BPTF: variants seen among roughly 807,000 people sequenced by gnomAD.
BPTF encodes nucleosome-remodeling factor subunit BPTF.
In BPTF, 18 loss-of-function variants were observed where a neutral mutation model predicts 292.5. The observed-to-expected ratio is 0.06, with a 90% CI of 0.04 to 0.09. The LOEUF is 0.09. BPTF is among the 10% of genes least tolerant of loss of function. The pLI is 1.00. For synonymous variants in BPTF, 1,225 were observed against 1,251.9 expected, an observed-to-expected ratio of 0.98 and a Z score of 0.45; for missense variants, 2,726 against 3,498.7, an observed-to-expected ratio of 0.78 and a Z score of 5.57.
intron 4 of BPTF, among the ~76,000 whole-genome samples, chr17:67,879,547 A>G (rs2060261957): frequency 1.3e-5 from 2 of 152,136 alleles, no homozygotes; most frequent in South Asian, 2.1e-4. Flanking sequence ...GATAATGGCT[A>G]TCTTAGTCCA....
At chr17:67,940,953 C>G (rs1555671705) in intron 19 of BPTF, among the ~76,000 whole-genome samples, 2 of 152,166 alleles carry the variant, frequency 1.3e-5, no homozygotes, top group Non-Finnish European at 2.9e-5. Flanking sequence ...AAGCTGCTTC[C>G]TTGCAAGACT....
At position 67,959,681 on chromosome 17, in the gene BPTF, T is replaced by TCCCCCCCCCCCC; in HGVS notation, c.8069_8070insCCCCCCCCCCCC (p.Pro2688_Pro2691dup). ...CAGCCCCTCCACCTTCACCTCCCCC[T>TCCCCCCCCCCCC]CCACCTGCTGTGCAACACACAGGCC... On this transcript the variant is annotated inframe_insertion, in exon 24 of 28. Coordinates refer to ENST00000306378, the MANE Select transcript of BPTF (RefSeq NM_182641.4). 1 of 1,300,766 alleles carries TCCCCCCCCCCCC rather than the reference T, an allele frequency of 7.7e-7. No individual in the cohort carries two copies. Among genetic ancestry groups the TCCCCCCCCCCCC allele is most frequent in the Non-Finnish European group, 1.0e-6 (1 of 972,850 alleles). The allele number at this position is 1,300,766 out of a possible 1,614,324, so 80.6% of individuals were successfully genotyped here.
chr17:67,868,304 C>T (rs1239200003), intron 3 of BPTF, among the ~76,000 whole-genome samples: 1 of 152,032 alleles, frequency 6.6e-6, no homozygotes, highest in East Asian at 1.9e-4. Flanking sequence ...GTTTTTTTGT[C>T]CTGCCAGATG....
chr17:67,876,447 A>G (rs1384091497), intron 4 of BPTF, among the ~76,000 whole-genome samples: 2 of 152,226 alleles, frequency 1.3e-5, no homozygotes, highest in African/African-American at 4.8e-5. Flanking sequence ...TGTAAGCTCC[A>G]GAAGAACCAC....
chr17:67,952,001 C>T (rs1267155988), intron 23 of BPTF, among the ~76,000 whole-genome samples: 2 of 145,660 alleles, frequency 1.4e-5, no homozygotes, highest in African/African-American at 2.5e-5. Flanking sequence ...GTTGCAGTGA[C>T]CCGAGATCAT....
At position 67,911,119 on chromosome 17, in the gene BPTF, C is replaced by T; in HGVS notation, c.3235C>T (p.Leu1079Phe). 6.2e-7 allele frequency: 1 copy of T among 1,613,978 alleles called. No individual in the cohort carries two copies. The highest frequency in any genetic ancestry group is 8.5e-7 in the Non-Finnish European group (1 of 1,179,998). The change falls in exon 11 of 28, where the codon CTC becomes TTC. Residue 1079 changes from leucine (L) to phenylalanine (F), a missense_variant. Physicochemically the swap from Leu to Phe is conservative, Grantham distance 22. Transcript: ENST00000306378. ...KQFTLEEKQR[L>F]EKIKLEGGIK... ...GTTTACACTGGAAGAAAAACAGCGA[C>T]TCGAAAAAATCAAGTTGGAGGGTGG... is the stretch of plus-strand genomic sequence containing the variant.
chr17:67,908,361 G>T (rs1207147267), intron 9 of BPTF, among the ~76,000 whole-genome samples: 1 of 152,004 alleles, frequency 6.6e-6, no homozygotes, highest in Non-Finnish European at 1.5e-5. Flanking sequence ...GTTTCACCTT[G>T]TTGGGCTGGT....
intron 18 of BPTF, among the ~76,000 whole-genome samples, chr17:67,937,394 G>A (rs1598778830): frequency 6.7e-6 from 1 of 150,354 alleles, no homozygotes; most frequent in Non-Finnish European, 1.5e-5. Flanking sequence ...AAAAAAAAAA[G>A]AAAGAAAAGT....
At chr17:67,924,456 A>G in intron 14 of BPTF, 91 bp from the exon 15 acceptor site, 1 of 1,270,192 alleles carries the variant, frequency 7.9e-7, no homozygotes, top group African/African-American at 1.5e-5. Flanking sequence ...ATACCTTTGT[A>G]TGATGTGAAA....
At chr17:67,877,268 C>T (rs899422670) in intron 4 of BPTF, among the ~76,000 whole-genome samples, 1 of 152,184 alleles carries the variant, frequency 6.6e-6, no homozygotes, top group South Asian at 2.1e-4. Context: ...CTGACCTTCA[C>T]CTGCTTCCTT....
chr17:67,883,734 G>A (rs910776365), intron 4 of BPTF, among the ~76,000 whole-genome samples: 3 of 152,212 alleles, frequency 2.0e-5, no homozygotes, highest in African/African-American at 7.2e-5. Context: ...CCAGGTAGCT[G>A]GGATTACAGG....
Position 67,854,601 on chromosome 17 carries a change from A to G in BPTF, c.1275A>G (p.Pro425=). 1 of 1,614,254 alleles carries G rather than the reference A, an allele frequency of 6.2e-7. No homozygotes were observed. The highest frequency in any genetic ancestry group is 8.5e-7 in the Non-Finnish European group (1 of 1,180,048). ...ECVKPPLEEV[P]EDEWQCEVCV... ...TGAAGCCACCTCTTGAGGAGGTGCC[A>G]GAGGACGAGTGGCAGTGTGAAGTCT... is the stretch of plus-strand genomic sequence containing the variant. The change falls in exon 2 of 28, where the codon CCA becomes CCG. Residue 425 remains proline, a synonymous_variant. Coordinates refer to ENST00000306378, the MANE Select transcript of BPTF (RefSeq NM_182641.4). The surrounding 1 kb of genome is among the most constrained non-coding windows in gnomAD (Gnocchi z 5.6).
At chr17:67,867,891 C>T (rs1329298921) in intron 3 of BPTF, among the ~76,000 whole-genome samples, 1 of 152,126 alleles carries the variant, frequency 6.6e-6, no homozygotes, top group Non-Finnish European at 1.5e-5. Context: ...ACCCCTCAAA[C>T]CCCCAATACT....
At chr17:67,848,338 C>G (rs1039398211) in intron 1 of BPTF, among the ~76,000 whole-genome samples, 3 of 152,076 alleles carry the variant, frequency 2.0e-5, no homozygotes, top group African/African-American at 7.2e-5. Flanking sequence ...TTAGTTGCTA[C>G]AATAACTAAA....
intron 1 of BPTF, among the ~76,000 whole-genome samples, chr17:67,851,576 A>C (rs2058410312): frequency 6.6e-6 from 1 of 152,238 alleles, no homozygotes; most frequent in South Asian, 2.1e-4. Context: ...TATTAGTATA[A>C]GGCATGTAGT....
chr17:67,854,457 T>C lies in BPTF; in HGVS notation c.1131T>C (p.Ala377=). 1.9e-6 allele frequency: 3 copies of C among 1,614,168 alleles called. No homozygotes were observed. Among genetic ancestry groups the C allele is most frequent in the Non-Finnish European group, 2.5e-6 (3 of 1,180,028 alleles). The change falls in exon 2 of 28, where the codon GCT becomes GCC. Residue 377 remains alanine (A), a synonymous_variant. Coordinates refer to ENST00000306378, the MANE Select transcript of BPTF (RefSeq NM_182641.4). This position sits in a 1 kb window ranked among gnomAD's most constrained non-coding sequence, Gnocchi z 5.6. ...ATCAGTTTCTTACAACAAATATTGC[T>C]CGAGAGGAATTGATGTCTGAAGGGG... ...LVDQFLTTNI[A]REELMSEGVI... is the part of the protein sequence containing the mutation.
intron 26 of BPTF, among the ~76,000 whole-genome samples, chr17:67,973,079 A>T (rs1466793188): frequency 7.0e-6 from 1 of 142,686 alleles, no homozygotes; most frequent in Non-Finnish European, 1.5e-5. Context: ...TATATATATA[A>T]TATATATATA....
chr17:67,904,641 CAT>C lies in BPTF; in HGVS notation c.2674-60_2674-59del, dbSNP rs1436674883. On this transcript the variant is annotated intron_variant, in intron 8 of 27. Coordinates refer to ENST00000306378, the MANE Select transcript of BPTF (RefSeq NM_182641.4). ...TGTTTGGTAAAAATGCATAAAACCA[CAT>C]GTGGTTTATAAGCATTGTTATTCTT... 9.5e-6 allele frequency: 12 copies of C among 1,266,742 alleles called. No homozygotes were observed. The East Asian group carries it at 2.9e-4, about 30-fold the overall frequency. 78.5% of individuals were successfully genotyped at this position (1,266,742 alleles called of 1,614,324 possible).
At chr17:67,874,677 A>G in intron 3 of BPTF, 140 bp from the exon 4 acceptor site, 1 of 560,680 alleles carries the variant, frequency 1.8e-6, no homozygotes, top group South Asian at 3.1e-5. Flanking sequence ...CTTGATTTTT[A>G]TTTCATAGGT....
Sources: gnomAD v4.1 joint callset for allele counts (sites outside exome capture counted in the v4.1 genomes callset) on GRCh38, gnomAD v4.1.1 for gene constraint, Gnocchi (gnomAD v3.1) non-coding constraint, MANE v1.5 for transcripts, NCBI Gene and HGNC (gene_info 2026-07-23, HGNC 2026-07-21) for gene names.